FUT2: variants seen among roughly 807,000 people sequenced by gnomAD.
The protein encoded by FUT2 is fucosyltransferase 2 (H blood group), also known as galactoside alpha-(1,2)-fucosyltransferase 2.
For synonymous variants in FUT2, 182 were observed against 193.1 expected (o/e 0.94, Z 0.48); for missense variants, 419 against 465.8 (o/e 0.90, Z 0.93).
Position 48,705,100 on chromosome 19 carries a change from C to CTTTTTTTTTTTTTTTTTTTT in FUT2, c.*1117_*1118insTTTTTTTTTTTTTTTTTTTT, listed in dbSNP as rs1568463036. ...CCCAGAGAGCTCACTGTTTTCTTTT[C>CTTTTTTTTTTTTTTTTTTTT]TTTTTCTTTTCTTTTTTTTTTTTTT... On this transcript the variant is annotated 3_prime_UTR_variant, in exon 2 of 2. Coordinates refer to ENST00000425340, the MANE Select transcript of FUT2 (RefSeq NM_000511.6). The CTTTTTTTTTTTTTTTTTTTT allele has an allele frequency of 1.1e-5, 2 of 174,852 alleles. No individual in the cohort carries two copies. The highest frequency in any genetic ancestry group is 9.2e-5 in the African/African-American group (2 of 21,782). 10.8% of individuals were successfully genotyped at this position (174,852 alleles called of 1,614,324 possible).
rs1361602507 is a variant in FUT2 at position 48,704,553 on chromosome 19, G to A, written c.*565G>A. 13 of 423,246 alleles carry A rather than the reference G, an allele frequency of 3.1e-5. No individual in the cohort carries two copies. The highest frequency in any genetic ancestry group is 1.3e-5 in the Non-Finnish European group (3 of 232,308). The allele number at this position is 423,246 out of a possible 1,614,324, so 26.2% of individuals were successfully genotyped here. On this transcript the variant is annotated 3_prime_UTR_variant, in exon 2 of 2. Coordinates refer to ENST00000425340, the MANE Select transcript of FUT2 (RefSeq NM_000511.6). ...ATTTAGCGGCTCCACAAAGTCATCA[G>A]TCACCTGAGCTCCATCCATCTTCAC...
chr19:48,705,127 T>TTTTTTTG lies in FUT2; in HGVS notation c.*1140_*1141insTTTTTGT. On this transcript the variant is annotated 3_prime_UTR_variant, in exon 2 of 2. Transcript: ENST00000425340. Reference sequence around the variant, plus strand: ...TTTTCTTTTCTTTTTTTTTTTTTTTTTGAGATGGAGTCTTGCTGCATCCCC... The same window carrying TTTTTTTG: ...TTTTCTTTTCTTTTTTTTTTTTTTTTTTTTTTGTGAGATGGAGTCTTGCTGCATCCCC... The TTTTTTTG allele has an allele frequency of 4.4e-6, 1 of 227,528 alleles. No individual in the cohort carries two copies. Among genetic ancestry groups the TTTTTTTG allele is most frequent in the African/African-American group, 2.4e-5 (1 of 41,938 alleles). The allele number at this position is 227,528 out of a possible 1,614,324, so 14.1% of individuals were successfully genotyped here. A position where few individuals can be genotyped will look rare whatever the true frequency, so the allele number is the denominator to read the frequency against.
intron 1 of FUT2, among the ~76,000 whole-genome samples, chr19:48,700,616 C>T (rs533276077): frequency 5.9e-5 from 9 of 152,194 alleles, no homozygotes; most frequent in South Asian, 2.1e-4. Flanking sequence ...CAGGCGTGAG[C>T]CACCGCGCCC....
At chr19:48,698,599 G>A (rs1246900200) in intron 1 of FUT2, among the ~76,000 whole-genome samples, 2 of 151,892 alleles carry the variant, frequency 1.3e-5, no homozygotes, top group East Asian at 1.9e-4. Context: ...GTGCCACCAC[G>A]CCTGGCTAAT....
chr19:48,699,420 A>G (rs2032471754), intron 1 of FUT2, among the ~76,000 whole-genome samples: 1 of 151,982 alleles, frequency 6.6e-6, no homozygotes, highest in Non-Finnish European at 1.5e-5. Context: ...CTGGTCTCGA[A>G]CTGCTGACCT....
In FUT2 at chr19:48,705,106, C is replaced by CTTTTTTTTTTTTTT. The variant is rs750075953; in HGVS notation, c.*1122_*1123insTTTTTTTTTTTTTT. On this transcript the variant is annotated 3_prime_UTR_variant, in exon 2 of 2. Coordinates refer to ENST00000425340, the MANE Select transcript of FUT2 (RefSeq NM_000511.6). Reference sequence around the variant, plus strand: ...GAGCTCACTGTTTTCTTTTCTTTTTCTTTTCTTTTTTTTTTTTTTTTTGAG... The same window carrying CTTTTTTTTTTTTTT: ...GAGCTCACTGTTTTCTTTTCTTTTTCTTTTTTTTTTTTTTTTTTCTTTTTTTTTTTTTTTTTGAG... 1.7e-3 allele frequency: 313 copies of CTTTTTTTTTTTTTT among 188,890 alleles called. 38 individuals carry two copies. The highest frequency in any genetic ancestry group is 5.1e-3 in the African/African-American group (153 of 29,886). The allele number at this position is 188,890 out of a possible 1,614,324, so 11.7% of individuals were successfully genotyped here.
At chr19:48,696,717 G>C (rs538906264) in intron 1 of FUT2, 35 of 152,440 alleles carry the variant, frequency 2.3e-4, no homozygotes, top group African/African-American at 7.0e-4. Flanking sequence ...CCGGGAATCC[G>C]GGAATCCCGG....
intron 1 of FUT2, among the ~76,000 whole-genome samples, chr19:48,697,298 T>C (rs2122206017): frequency 6.8e-6 from 1 of 147,588 alleles, no homozygotes; most frequent in Non-Finnish European, 1.5e-5. Flanking sequence ...TGAGCCGAGA[T>C]TGTGCCATTG....
rs965286931 is a variant in FUT2, at chr19:48,703,472, C to T, written c.516C>T (p.Asp172=). Residue 172 remains aspartate, a synonymous_variant, in exon 2 of 2, where the codon GAC becomes GAT. Transcript: ENST00000425340. ...QEILQEFTLH[D]HVREEAQKFL... ...TCCTCCAGGAGTTCACCCTGCACGA[C>T]CACGTGCGGGAGGAGGCCCAGAAGT... The T allele has an allele frequency of 6.2e-7, 1 of 1,612,950 alleles. No individual in the cohort carries two copies. The highest frequency in any genetic ancestry group is 8.5e-7 in the Non-Finnish European group (1 of 1,180,024).
intron 1 of FUT2, among the ~76,000 whole-genome samples, chr19:48,698,690 C>T (rs1044715968): frequency 1.3e-5 from 2 of 151,980 alleles, no homozygotes; most frequent in African/African-American, 2.4e-5. Context: ...GATCCGCCCC[C>T]GCTTGGCCTC....
rs1346494959 is a variant in FUT2, at chr19:48,704,757, C to A, written c.*769C>A. 2 of 413,376 alleles carry A rather than the reference C, an allele frequency of 4.8e-6. No individual in the cohort carries two copies. Among genetic ancestry groups the A allele is most frequent in the African/African-American group, 4.1e-5 (2 of 48,640 alleles). 25.6% of individuals were successfully genotyped at this position (413,376 alleles called of 1,614,324 possible). A position where few individuals can be genotyped will look rare whatever the true frequency, so the allele number is the denominator to read the frequency against. On this transcript the variant is annotated 3_prime_UTR_variant, in exon 2 of 2. Coordinates refer to ENST00000425340, the MANE Select transcript of FUT2 (RefSeq NM_000511.6). Reference sequence around the variant, plus strand: ...AAGCCTTCCAGCAATTTCCCCCCAACTCCGATGGGTAGGAATTGTCACATA... The same window carrying A: ...AAGCCTTCCAGCAATTTCCCCCCAAATCCGATGGGTAGGAATTGTCACATA...
At chr19:48,700,980 G>A (rs1219416636) in intron 1 of FUT2, among the ~76,000 whole-genome samples, 1 of 151,934 alleles carries the variant, frequency 6.6e-6, no homozygotes, top group Non-Finnish European at 1.5e-5. Flanking sequence ...AAGGGGAAAT[G>A]GCTTTAGAGT....
chr19:48,703,864 C>A lies in FUT2; in HGVS notation c.908C>A (p.Thr303Asn). 3 of 1,613,654 alleles carry A rather than the reference C, an allele frequency of 1.9e-6. No individual in the cohort carries two copies. Among genetic ancestry groups the A allele is most frequent in the Non-Finnish European group, 2.5e-6 (3 of 1,180,026 alleles). The change falls in exon 2 of 2, where the codon ACC (threonine) becomes AAC (asparagine). Residue 303 changes from threonine (T) to asparagine (N), a missense_variant. By Grantham distance (65) the Thr-to-Asn change is moderately conservative (BLOSUM62 0). Transcript: ENST00000425340. ...GCCGCATACCTCACGGGCGGAGACA[C>A]CATCTACCTGGCCAATTACACCCTC... is the stretch of plus-strand genomic sequence containing the variant. ...IWAAYLTGGD[T>N]IYLANYTLPD... is the part of the protein sequence containing the mutation.
At position 48,703,488 on chromosome 19, in the gene FUT2, GC is replaced by G. The variant is rs1191945112; in HGVS notation, c.535del (p.Gln179ArgfsTer9). ...FTLHDHVREEAQKFLRGLQVN... is the reference protein window; with the variant it reads ...FTLHDHVREEXQKFLRGLQVN... ...CCTGCACGACCACGTGCGGGAGGAGGCCCAGAAGTTCCTGCGGGGCCTGCAG... is the reference window on the plus strand; with the variant it reads ...CCTGCACGACCACGTGCGGGAGGAGGCCAGAAGTTCCTGCGGGGCCTGCAG... On this transcript the variant is annotated frameshift_variant, in exon 2 of 2. Coordinates refer to ENST00000425340, the MANE Select transcript of FUT2 (RefSeq NM_000511.6). LOFTEE classifies it low-confidence loss of function (END_TRUNC). 2 of 1,612,994 alleles carry G rather than the reference GC, an allele frequency of 1.2e-6. No individual in the cohort carries two copies. The highest frequency in any genetic ancestry group is 1.7e-6 in the Non-Finnish European group (2 of 1,180,022).
At position 48,704,749 on chromosome 19, in the gene FUT2, C is replaced by A; in HGVS notation, c.*761C>A. 2.4e-6 allele frequency: 1 copy of A among 413,414 alleles called. No individual in the cohort carries two copies. The highest frequency in any genetic ancestry group is 4.4e-6 in the Non-Finnish European group (1 of 226,204). The allele number at this position is 413,414 out of a possible 1,614,324, so 25.6% of individuals were successfully genotyped here. On this transcript the variant is annotated 3_prime_UTR_variant, in exon 2 of 2. Transcript: ENST00000425340. Reference sequence around the variant, plus strand: ...ACCTTCCTAAGCCTTCCAGCAATTTCCCCCCAACTCCGATGGGTAGGAATT... The same window carrying A: ...ACCTTCCTAAGCCTTCCAGCAATTTACCCCCAACTCCGATGGGTAGGAATT...
chr19:48,703,968 T>G lies in FUT2; in HGVS notation c.1012T>G (p.Ser338Ala). Residue 338 changes from serine (S) to alanine (A), a missense_variant, in exon 2 of 2, where the codon TCC becomes GCC. Coordinates refer to ENST00000425340, the MANE Select transcript of FUT2 (RefSeq NM_000511.6). Reference protein sequence around the residue: ...PEWTGIAADLSPLLKH With the variant: ...PEWTGIAADLAPLLKH Reference sequence around the variant, plus strand: ...GTGGACAGGGATTGCCGCAGACCTGTCCCCCTTACTCAAGCACTAATGCTG... The same window carrying G: ...GTGGACAGGGATTGCCGCAGACCTGGCCCCCTTACTCAAGCACTAATGCTG... The G allele has an allele frequency of 6.2e-7, 1 of 1,613,370 alleles. No individual in the cohort carries two copies.
intron 1 of FUT2, among the ~76,000 whole-genome samples, chr19:48,699,108 G>A (rs1360968184): frequency 6.6e-6 from 1 of 150,522 alleles, no homozygotes; most frequent in Non-Finnish European, 1.5e-5. Flanking sequence ...ACAGACACAA[G>A]CATAACAAAT....
chr19:48,698,274 G>T (rs796612072), intron 1 of FUT2, among the ~76,000 whole-genome samples: 9 of 151,918 alleles, frequency 5.9e-5, no homozygotes, highest in African/African-American at 2.2e-4. Flanking sequence ...GCTCTGTGAG[G>T]CCTCCCCACC....
chr19:48,704,127 C>G lies in FUT2; in HGVS notation c.*139C>G, dbSNP rs981485856. 4 of 891,260 alleles carry G rather than the reference C, an allele frequency of 4.5e-6. No homozygotes were observed. Among genetic ancestry groups the G allele is most frequent in the Non-Finnish European group, 7.3e-6 (4 of 545,990 alleles). The allele number at this position is 891,260 out of a possible 1,614,324, so 55.2% of individuals were successfully genotyped here. On this transcript the variant is annotated 3_prime_UTR_variant, in exon 2 of 2. Transcript: ENST00000425340. ...GCGTTGGGCTGCAAGTAACAGAAAT[C>G]TCAGTGAACAGTGGCCTGGCGTGGT...
Sources: allele counts gnomAD v4.1 joint callset (sites outside exome capture counted in the v4.1 genomes callset), GRCh38; gene constraint gnomAD v4.1.1; transcripts MANE v1.5; gene names NCBI Gene and HGNC (gene_info 2026-07-23, HGNC 2026-07-21).